Variants in PLCZ1 observed in about 807,000 individuals in gnomAD.
PLCZ1 encodes the protein 1-phosphatidylinositol 4,5-bisphosphate phosphodiesterase zeta-1.
Under a neutral mutation model 76.8 loss-of-function variants are expected in PLCZ1, and 64 were observed. That is an observed-to-expected ratio of 0.83 (90% CI 0.68 to 1.03). PLCZ1 has a LOEUF of 1.03. Ranked by LOEUF, PLCZ1 falls within the 50% of genes least tolerant of loss-of-function variation. The pLI is 0.00. For missense variants in PLCZ1, 751 were observed against 713.7 expected (o/e 1.05, Z -0.60); for synonymous variants, 248 against 230.8 (o/e 1.07, Z -0.68).
At chr12:18,726,984 G>T (rs936973992) in intron 3 of PLCZ1, among the ~76,000 whole-genome samples, 1 of 151,986 alleles carries the variant, frequency 6.6e-6, no homozygotes, top group Non-Finnish European at 1.5e-5. Flanking sequence ...GTAACATATT[G>T]TCAGTGCCCT....
At chr12:18,675,605 T>G in the PLCZ1 span, among the ~76,000 whole-genome samples, 3 of 152,118 alleles carry the variant, frequency 2.0e-5, no homozygotes, top group Non-Finnish European at 4.4e-5. Flanking sequence ...AATAGCAAAG[T>G]CATAGAACCA....
At chr12:18,669,980 T>C in the PLCZ1 span, among the ~76,000 whole-genome samples, 1 of 152,142 alleles carries the variant, frequency 6.6e-6, no homozygotes, top group Non-Finnish European at 1.5e-5. Context: ...CTTCCTCTTC[T>C]TATAAGGGCA....
At chr12:18,694,741 AT>A (rs1406107629) in intron 12 of PLCZ1, among the ~76,000 whole-genome samples, 168 bp downstream of exon 12, 1 of 152,172 alleles carries the variant, frequency 6.6e-6, no homozygotes, top group Non-Finnish European at 1.5e-5. Context: ...ACAGGAAGAC[AT>A]TTTTCAGATA....
At chr12:18,650,331 C>CTCTCTA in the PLCZ1 span, among the ~76,000 whole-genome samples, 80 of 91,964 alleles carry the variant, frequency 8.7e-4, no homozygotes, top group Admixed American at 1.5e-3. Context: ...CTCTCTCTCT[C>CTCTCTA]TATATATATA....
chr12:18,732,926 A>G (rs941888573), intron 3 of PLCZ1, among the ~76,000 whole-genome samples: 9 of 152,358 alleles, frequency 5.9e-5, no homozygotes, highest in African/African-American at 1.9e-4. Context: ...TGCAATATAT[A>G]CAGGAGTACA....
chr12:18,735,801 T>C (rs1013967683), intron 3 of PLCZ1: 1 of 152,772 alleles, frequency 6.5e-6, no homozygotes, highest in African/African-American at 2.4e-5. Flanking sequence ...AAAAAACAAG[T>C]CTTAGTTTCC....
chr12:18,690,201 C>T (rs1565657560), intron 12 of PLCZ1, among the ~76,000 whole-genome samples: 1 of 151,598 alleles, frequency 6.6e-6, no homozygotes, highest in Non-Finnish European at 1.5e-5. Flanking sequence ...GAACAAAACA[C>T]ATCTGTTTTT....
intron 9 of PLCZ1, among the ~76,000 whole-genome samples, chr12:18,700,359 A>G (rs1955710925): frequency 6.6e-6 from 1 of 151,776 alleles, no homozygotes; most frequent in Non-Finnish European, 1.5e-5. Flanking sequence ...CTTTTTAGCC[A>G]TTTCCCAAGT....
At chr12:18,699,660 A>G in intron 10 of PLCZ1, 134 bp downstream of exon 10, 1 of 962,878 alleles carries the variant, frequency 1.0e-6, no homozygotes, top group East Asian at 2.5e-5. Context: ...ATGTAACCCC[A>G]TTCTAAATTA....
chr12:18,664,661 A>G, the PLCZ1 span, among the ~76,000 whole-genome samples: 4 of 152,026 alleles, frequency 2.6e-5, no homozygotes, highest in African/African-American at 4.8e-5. Flanking sequence ...TATTGGGTAT[A>G]TACCCAAAGG....
At chr12:18,696,711 G>A (rs995910302) in intron 10 of PLCZ1, among the ~76,000 whole-genome samples, 24 of 151,888 alleles carry the variant, frequency 1.6e-4, no homozygotes, top group Non-Finnish European at 2.6e-4. Context: ...AAAGCTATAC[G>A]ATTCCAGCTA....
chr12:18,685,797 CT>C (rs1169829904), intron 13 of PLCZ1: 8 of 348,784 alleles, frequency 2.3e-5, no homozygotes, highest in Non-Finnish European at 4.2e-5. Context: ...GTGCCTCTGC[CT>C]CCCTTCCATC....
At chr12:18,715,071 T>C (rs544951136) in intron 5 of PLCZ1, among the ~76,000 whole-genome samples, 1 of 151,152 alleles carries the variant, frequency 6.6e-6, no homozygotes, top group South Asian at 2.1e-4. Context: ...ACCCAAGAAG[T>C]ACTTAGGTAA....
rs71440372 is a variant in PLCZ1, at chr12:18,696,322, CTATATATATATA to C, written c.1175-68_1175-57del. ...GAATTCAAATAAATTTAAAAAGCCA[CTATATATATATA>C]TATATATATATATATATCATATAAT... On this transcript the variant is annotated intron_variant, in intron 10 of 14. Coordinates refer to ENST00000266505, the MANE Select transcript of PLCZ1 (RefSeq NM_033123.4). 2.5e-3 allele frequency: 662 copies of C among 267,230 alleles called. 37 individuals are homozygous for C. In the African/African-American group the frequency reaches 0.025, roughly 10 times the overall value. The allele number at this position is 267,230 out of a possible 1,614,324, so 16.6% of individuals were successfully genotyped here.
the PLCZ1 span, among the ~76,000 whole-genome samples, chr12:18,676,858 G>A: frequency 6.6e-6 from 1 of 152,060 alleles, no homozygotes; most frequent in East Asian, 1.9e-4. Context: ...ATTGATCACA[G>A]CCATGTAAAA....
intron 6 of PLCZ1, among the ~76,000 whole-genome samples, chr12:18,705,954 T>C (rs372243461): frequency 5.6e-4 from 80 of 144,124 alleles, no homozygotes; most frequent in Middle Eastern, 4.4e-3. Context: ...AGGACGAGCA[T>C]GGTGGCTCAC....
At chr12:18,711,500 A>G (rs1395381071) in intron 6 of PLCZ1, among the ~76,000 whole-genome samples, 1 of 150,016 alleles carries the variant, frequency 6.7e-6, no homozygotes, top group African/African-American at 2.5e-5. Context: ...AAACCTGCAC[A>G]TTGTGCACAT....
Position 18,736,254 on chromosome 12 carries a change from C to T in PLCZ1, c.102G>A (p.Arg34=), listed in dbSNP as rs746786531. Residue 34 remains arginine, a synonymous_variant, in exon 3 of 15, where the codon CGG becomes CGA. Transcript: ENST00000266505. ...TCTGTTTCACATGAATATAACTGCA[C>T]CGAATATCTAATTTTTCAAGTAACC... The part of the protein sequence containing the change: ...TQRLLEKLDI[R]CSYIHVKQIF... 1 of 1,612,726 alleles carries T rather than the reference C, an allele frequency of 6.2e-7. No homozygotes were observed. The highest frequency in any genetic ancestry group is 1.1e-5 in the South Asian group (1 of 91,038).
At chr12:18,724,879 C>G (rs749456794) in intron 3 of PLCZ1, among the ~76,000 whole-genome samples, 9 of 151,948 alleles carry the variant, frequency 5.9e-5, no homozygotes, top group Non-Finnish European at 1.3e-4. Flanking sequence ...TACTGAATAG[C>G]AGCATAAAAT....
Sources: gnomAD v4.1 joint callset for allele counts (sites outside exome capture counted in the v4.1 genomes callset) on GRCh38, gnomAD v4.1.1 for gene constraint, MANE v1.5 for transcripts, NCBI Gene and HGNC (gene_info 2026-07-23, HGNC 2026-07-21) for gene names.